PPM1H: variants seen among roughly 807,000 people sequenced by gnomAD.
PPM1H encodes protein phosphatase 1H.
A neutral mutation model predicts 54.9 loss-of-function variants in PPM1H; 27 were observed. That is an observed-to-expected ratio of 0.49 (90% CI 0.36 to 0.68). PPM1H has a LOEUF of 0.68. Ranked by LOEUF, PPM1H falls within the 30% of genes least tolerant of loss-of-function variation. The pLI, the probability that PPM1H is intolerant of heterozygous loss-of-function variation, is 0.00. For missense variants in PPM1H, 596 were observed against 667.8 expected, an observed-to-expected ratio of 0.89 and a Z score of 1.19; for synonymous variants, 305 against 270.8, an observed-to-expected ratio of 1.13 and a Z score of -1.24.
chr12:62,917,825 TA>T (rs1402798196), intron 1 of PPM1H, among the ~76,000 whole-genome samples: 6 of 152,180 alleles, frequency 3.9e-5, no homozygotes, highest in South Asian at 2.1e-4. Flanking sequence ...TACTGTCCTC[TA>T]AGCAAGGGGA....
intron 4 of PPM1H, among the ~76,000 whole-genome samples, chr12:62,780,536 G>A (rs1443096064): frequency 6.6e-6 from 1 of 152,122 alleles, no homozygotes; most frequent in East Asian, 1.9e-4. Flanking sequence ...TAAGTCCTGG[G>A]CTCAAATGAT....
chr12:62,654,760 T>C (rs2136597231), intron 9 of PPM1H, among the ~76,000 whole-genome samples: 1 of 152,318 alleles, frequency 6.6e-6, no homozygotes, highest in East Asian at 1.9e-4. Flanking sequence ...ACACTTTTCC[T>C]GTGTGGTAAA....
intron 1 of PPM1H, among the ~76,000 whole-genome samples, chr12:62,894,554 A>G (rs1489633887): frequency 6.6e-6 from 1 of 152,232 alleles, no homozygotes; most frequent in Non-Finnish European, 1.5e-5. Flanking sequence ...TTATACTCTT[A>G]GCTGTTCCGT....
At chr12:62,911,101 C>A (rs1871445488) in intron 1 of PPM1H, among the ~76,000 whole-genome samples, 1 of 152,158 alleles carries the variant, frequency 6.6e-6, no homozygotes, top group East Asian at 1.9e-4. Flanking sequence ...CAGCTAAAAA[C>A]CTGAAAAGCT....
At chr12:62,809,659 A>G (rs1245540575) in intron 2 of PPM1H, among the ~76,000 whole-genome samples, 2 of 152,212 alleles carry the variant, frequency 1.3e-5, no homozygotes, top group Non-Finnish European at 2.9e-5. Flanking sequence ...ATTTCACTGC[A>G]AATACACATG....
chr12:62,862,399 T>C (rs1382239975), intron 1 of PPM1H, among the ~76,000 whole-genome samples: 3 of 152,290 alleles, frequency 2.0e-5, no homozygotes, highest in East Asian at 1.9e-4. Context: ...CTAAATAAAC[T>C]TGAATGTCTG....
intron 1 of PPM1H, among the ~76,000 whole-genome samples, chr12:62,933,128 T>C (rs544021845): frequency 1.8e-4 from 28 of 152,260 alleles, no homozygotes; most frequent in African/African-American, 6.3e-4. Context: ...TCTTTTATGA[T>C]GTGTTAATTT....
At chr12:62,774,024 C>A (rs1039414276) in intron 4 of PPM1H, among the ~76,000 whole-genome samples, 2 of 152,140 alleles carry the variant, frequency 1.3e-5, no homozygotes, top group Non-Finnish European at 2.9e-5. Flanking sequence ...CATTCCCCCC[C>A]AAACCTAAGT....
chr12:62,832,432 C>G (rs190499940), intron 1 of PPM1H, among the ~76,000 whole-genome samples, 153 bp from the exon 2 acceptor site: 1 of 152,196 alleles, frequency 6.6e-6, no homozygotes, highest in Non-Finnish European at 1.5e-5. Flanking sequence ...ATTTTATGTT[C>G]CCAAATAAAT....
intron 6 of PPM1H, among the ~76,000 whole-genome samples, chr12:62,715,655 C>G: frequency 6.6e-6 from 1 of 152,158 alleles, no homozygotes; most frequent in Non-Finnish European, 1.5e-5. Flanking sequence ...AGCTGACATC[C>G]TCTCCCACAC....
At chr12:62,714,595 T>C (rs896417196) in intron 6 of PPM1H, among the ~76,000 whole-genome samples, 1 of 150,322 alleles carries the variant, frequency 6.7e-6, no homozygotes, top group Non-Finnish European at 1.5e-5. Flanking sequence ...TTCGCAGCAA[T>C]GGTCAGAGGA....
At chr12:62,729,020 G>C (rs1163665622) in intron 5 of PPM1H, among the ~76,000 whole-genome samples, 1 of 152,168 alleles carries the variant, frequency 6.6e-6, no homozygotes, top group Non-Finnish European at 1.5e-5. Flanking sequence ...CCCAGGGCTT[G>C]GGGTATCCAG....
intron 1 of PPM1H, 79 bp from the exon 2 acceptor site, chr12:62,832,358 A>G (rs1278089396): frequency 7.2e-7 from 1 of 1,382,258 alleles, no homozygotes; most frequent in East Asian, 2.5e-5. Flanking sequence ...GTCAGCCAAG[A>G]CAGTCTCTAC....
intron 6 of PPM1H, among the ~76,000 whole-genome samples, chr12:62,718,046 T>C (rs1044472307): frequency 6.6e-6 from 1 of 152,226 alleles, no homozygotes; most frequent in Non-Finnish European, 1.5e-5. Flanking sequence ...CTGCTTTAAA[T>C]GTGCACATCA....
At chr12:62,843,629 T>C (rs886250624) in intron 1 of PPM1H, among the ~76,000 whole-genome samples, 2 of 152,174 alleles carry the variant, frequency 1.3e-5, no homozygotes, top group African/African-American at 2.4e-5. Flanking sequence ...ATGGTTTCAG[T>C]ACTTCAATAT....
intron 4 of PPM1H, chr12:62,755,539 G>T: frequency 1.5e-6 from 1 of 661,396 alleles, no homozygotes; most frequent in South Asian, 1.6e-5. Context: ...CACCACCATG[G>T]AGAAGGCTGG....
At chr12:62,931,550 A>C (rs1487714417) in intron 1 of PPM1H, among the ~76,000 whole-genome samples, 1 of 152,234 alleles carries the variant, frequency 6.6e-6, no homozygotes, top group African/African-American at 2.4e-5. Context: ...AAAGGTGAGA[A>C]GAGAGAGATG....
intron 6 of PPM1H, among the ~76,000 whole-genome samples, chr12:62,709,701 A>G (rs1329571986): frequency 6.6e-6 from 1 of 152,178 alleles, no homozygotes; most frequent in East Asian, 1.9e-4. Flanking sequence ...ATTTATACAT[A>G]TGTCCCAACA....
At chr12:62,765,728 G>C (rs528560246) in intron 4 of PPM1H, among the ~76,000 whole-genome samples, 1 of 152,192 alleles carries the variant, frequency 6.6e-6, no homozygotes, top group African/African-American at 2.4e-5. Flanking sequence ...CAGTGAACAG[G>C]TGTCTGCCTG....
Sources: gnomAD v4.1 joint callset for allele counts (sites outside exome capture counted in the v4.1 genomes callset) on GRCh38, gnomAD v4.1.1 for gene constraint, MANE v1.5 for transcripts, NCBI Gene and HGNC (gene_info 2026-07-23, HGNC 2026-07-21) for gene names.